The following ROBO2 variants were observed in gnomAD, a reference collection of about 807,000 sequenced individuals.
ROBO2 encodes roundabout homolog 2.
ROBO2 carries 53 observed loss-of-function variants against 160.8 expected under a neutral mutation model. The observed-to-expected ratio is 0.33, with a 90% CI of 0.26 to 0.41. The LOEUF is 0.41. ROBO2 is among the 10% of genes least tolerant of loss of function. The probability of loss-of-function intolerance (pLI) is 1.00; values close to 1 mark genes in which losing one functional copy is unlikely to be tolerated. For synonymous variants in ROBO2, 664 were observed against 611.7 expected, an observed-to-expected ratio of 1.09 and a Z score of -1.26; for missense variants, 1,577 against 1,722.4, an observed-to-expected ratio of 0.92 and a Z score of 1.49.
chr3:76,120,163 G>C (rs936046979), intron 2 of ROBO2, among the ~76,000 whole-genome samples: 14 of 151,874 alleles, frequency 9.2e-5, no homozygotes, highest in Admixed American at 3.9e-4. Flanking sequence ...CACCATGACT[G>C]GATAATTTTT....
intron 2 of ROBO2, among the ~76,000 whole-genome samples, chr3:77,378,743 G>A (rs1211304628): frequency 6.6e-6 from 1 of 152,100 alleles, no homozygotes. Flanking sequence ...CTCTGAACCG[G>A]TGTTAGATTT....
intron 2 of ROBO2, among the ~76,000 whole-genome samples, chr3:77,324,309 T>C (rs1165216541): frequency 6.6e-6 from 1 of 152,150 alleles, no homozygotes. Flanking sequence ...AGCCCTTAAG[T>C]GCTACTAAAA....
intron 2 of ROBO2, among the ~76,000 whole-genome samples, chr3:76,521,045 C>CTTTTTTTTTTTTT (rs58517740): frequency 1.0e-5 from 1 of 100,122 alleles, no homozygotes; most frequent in Admixed American, 1.2e-4. Context: ...AAAATTGCTT[C>CTTTTTTTTTTTTT]TTTTTTTTTT....
At chr3:77,598,189 G>T (rs2094349566) in intron 19 of ROBO2, among the ~76,000 whole-genome samples, 1 of 151,972 alleles carries the variant, frequency 6.6e-6, no homozygotes, top group African/African-American at 2.4e-5. Flanking sequence ...ATATGTATGA[G>T]TATATAACCA....
In ROBO2 at chr3:76,447,712, G is replaced by A. The variant is rs549979568; in HGVS notation, c.109+510110G>A. On this transcript the variant is annotated intron_variant, in intron 2 of 26. Transcript: ENST00000487694. Reference sequence around the variant, plus strand: ...ATACACCATGGAATACTATGCAGCCGTATAAAATGATGAGTTCATGTCCTT... The same window carrying A: ...ATACACCATGGAATACTATGCAGCCATATAAAATGATGAGTTCATGTCCTT... 8.4e-3 allele frequency among the ~76,000 whole-genome samples: 1,274 copies of A among 151,572 alleles called. 17 individuals are homozygous for A. Among genetic ancestry groups the A allele is most frequent in the African/African-American group, 0.028 (1,168 of 41,290 alleles).
Position 77,637,588 on chromosome 3 carries a change from G to A in ROBO2, c.3934+2545G>A, listed in dbSNP as rs150940662. Among the ~76,000 whole-genome samples the A allele has an allele frequency of 4.9e-3, 745 of 152,176 alleles. 13 individuals are homozygous for A. Among genetic ancestry groups the A allele is most frequent in the Non-Finnish European group, 4.5e-3 (305 of 67,990 alleles). On this transcript the variant is annotated intron_variant, in intron 24 of 25. Coordinates refer to ENST00000461745, the Ensembl canonical transcript of ROBO2. Reference sequence around the variant, plus strand: ...ATTAGCTGAGCATTTAAAACTATTCGTAGTGTTCATCTAATTCTTCGTAAA... The same window carrying A: ...ATTAGCTGAGCATTTAAAACTATTCATAGTGTTCATCTAATTCTTCGTAAA...
At chr3:77,056,987 A>G (rs996709720) in intron 1 of ROBO2, among the ~76,000 whole-genome samples, 2 of 152,214 alleles carry the variant, frequency 1.3e-5, no homozygotes, top group African/African-American at 2.4e-5. Flanking sequence ...ATTATCAATC[A>G]TGCTGCTATA....
At chr3:76,912,246 TAGC>T (rs2076036824) in intron 2 of ROBO2, among the ~76,000 whole-genome samples, 1 of 152,310 alleles carries the variant, frequency 6.6e-6, no homozygotes, top group South Asian at 2.1e-4. Flanking sequence ...GTTCATGAAA[TAGC>T]AGCTCCTATT....
chr3:77,385,586 G>C (rs560075357), intron 2 of ROBO2, among the ~76,000 whole-genome samples: 1 of 152,198 alleles, frequency 6.6e-6, no homozygotes, highest in South Asian at 2.1e-4. Flanking sequence ...CATTCATCCT[G>C]ATATATCCGA....
intron 2 of ROBO2, among the ~76,000 whole-genome samples, chr3:76,798,130 AAAG>A (rs1369454016): frequency 1.2e-4 from 14 of 119,030 alleles, no homozygotes; most frequent in African/African-American, 4.9e-4. Context: ...AAGAAGAAAG[AAAG>A]AAGAAAGAGA....
At chr3:76,272,914 T>TAAAATATATA in intron 2 of ROBO2, among the ~76,000 whole-genome samples, 1 of 19,024 alleles carries the variant, frequency 5.3e-5, no homozygotes, top group Non-Finnish European at 1.9e-4. Flanking sequence ...TATTTATATA[T>TAAAATATATA]AAAATATATA....
chr3:77,151,353 C>T (rs1204172228), intron 2 of ROBO2, among the ~76,000 whole-genome samples: 2 of 152,108 alleles, frequency 1.3e-5, no homozygotes, highest in African/African-American at 4.8e-5. Flanking sequence ...TATAATTTAT[C>T]TGGGTCTTCA....
intron 2 of ROBO2, among the ~76,000 whole-genome samples, chr3:76,517,380 C>A (rs909060261): frequency 6.6e-6 from 1 of 152,098 alleles, no homozygotes; most frequent in Non-Finnish European, 1.5e-5. Context: ...AGGCACTGAC[C>A]TGGTGGCTTT....
chr3:76,205,575 G>A (rs573952301), intron 2 of ROBO2, among the ~76,000 whole-genome samples: 1 of 152,126 alleles, frequency 6.6e-6, no homozygotes, highest in East Asian at 1.9e-4. Context: ...AAGAGTCCAT[G>A]TGTTTTATTA....
chr3:77,481,093 T>C lies in ROBO2; in HGVS notation c.547-6T>C. 1 of 1,611,126 alleles carries C rather than the reference T, an allele frequency of 6.2e-7. No individual in the cohort carries two copies. The highest frequency in any genetic ancestry group is 8.5e-7 in the Non-Finnish European group (1 of 1,177,952). On this transcript the variant is annotated splice_region_variant and splice_polypyrimidine_tract_variant and intron_variant, in intron 3 of 25. Transcript: ENST00000461745. ...CTTCTCTTTTCTTTTTGTTTGATTT[T>C]AACAGATCCGTGGTGGAAAACTGAT...
intron 2 of ROBO2, among the ~76,000 whole-genome samples, chr3:76,709,472 A>G (rs552549237): frequency 1.9e-3 from 295 of 152,302 alleles, no homozygotes; most frequent in African/African-American, 6.9e-3. Flanking sequence ...AATCTCCAGA[A>G]GATTTTCACT....
At chr3:77,472,586 G>T (rs371073329) in intron 2 of ROBO2, among the ~76,000 whole-genome samples, 1 of 152,128 alleles carries the variant, frequency 6.6e-6, no homozygotes, top group Admixed American at 6.5e-5. Flanking sequence ...ATATGGAAGT[G>T]AATATTCGGG....
chr3:76,822,974 G>C (rs937346713), intron 2 of ROBO2, among the ~76,000 whole-genome samples: 3 of 151,918 alleles, frequency 2.0e-5, no homozygotes, highest in African/African-American at 7.2e-5. Flanking sequence ...ATAAAACTAC[G>C]AGAAATGGTG....
At chr3:76,187,846 G>T (rs1701835450) in intron 2 of ROBO2, among the ~76,000 whole-genome samples, 1 of 152,054 alleles carries the variant, frequency 6.6e-6, no homozygotes, top group Non-Finnish European at 1.5e-5. Flanking sequence ...GCTGAATTGG[G>T]TCACATAATT....
Sources: allele counts gnomAD v4.1 joint callset (sites outside exome capture counted in the v4.1 genomes callset), GRCh38; gene constraint gnomAD v4.1.1; transcripts MANE v1.5; gene names NCBI Gene and HGNC (gene_info 2026-07-23, HGNC 2026-07-21).